CUX1: variants seen among roughly 807,000 people sequenced by gnomAD.
The protein encoded by CUX1 is cut like homeobox 1.
CUX1 carries 31 observed loss-of-function variants against 158.8 expected under a neutral mutation model. That is an observed-to-expected ratio of 0.20 (90% CI 0.15 to 0.26). The LOEUF is 0.26. CUX1 is among the 10% of genes least tolerant of loss of function. The pLI, the probability that CUX1 is intolerant of heterozygous loss-of-function variation, is 1.00. For synonymous variants in CUX1, 879 were observed against 862.1 expected (o/e 1.02, Z -0.34); for missense variants, 1,589 against 2,014.6 (o/e 0.79, Z 4.04).
At chr7:101,859,910 C>T (rs1426709463) in intron 1 of CUX1, among the ~76,000 whole-genome samples, 1 of 149,454 alleles carries the variant, frequency 6.7e-6, no homozygotes, top group Non-Finnish European at 1.5e-5. Flanking sequence ...TGGCTTATTT[C>T]CTTCTTTCCT....
rs1789748082 is a variant in CUX1, at chr7:102,255,081, CA to C, written c.*6040del. On this transcript the variant is annotated 3_prime_UTR_variant, in exon 24 of 24. Coordinates refer to ENST00000292535, the MANE Select transcript of CUX1 (RefSeq NM_181552.4). ...AGCCCCAGCCCTACTCCCGGCCCCC[CA>C]GCCCAGTCTTCCCAATCCCAGAGGC... 9 of 985,418 alleles carry C rather than the reference CA, an allele frequency of 9.1e-6. No homozygotes were observed. In the South Asian group the frequency reaches 4.2e-4, roughly 46 times the overall value. 61.0% of individuals were successfully genotyped at this position (985,418 alleles called of 1,614,324 possible).
chr7:101,976,096 G>A (rs1471196837), intron 2 of CUX1, among the ~76,000 whole-genome samples: 1 of 152,172 alleles, frequency 6.6e-6, no homozygotes, highest in Non-Finnish European at 1.5e-5. Context: ...TCACACCACT[G>A]CACTCCAACC....
At chr7:102,153,062 C>T (rs1835870853) in intron 8 of CUX1, among the ~76,000 whole-genome samples, 1 of 152,222 alleles carries the variant, frequency 6.6e-6, no homozygotes, top group Admixed American at 6.5e-5. Flanking sequence ...CTGCACCTTC[C>T]CGCGTCAGTG....
Position 101,817,762 on chromosome 7 carries a change from T to TCTGGGAGCACCGG in CUX1, c.30+95_30+96insGGGAGCACCGGCT. 1.3e-5 allele frequency: 19 copies of TCTGGGAGCACCGG among 1,476,112 alleles called. No homozygotes were observed. The highest frequency in any genetic ancestry group is 1.6e-5 in the Non-Finnish European group (18 of 1,096,714). 91.4% of individuals were successfully genotyped at this position (1,476,112 alleles called of 1,614,324 possible). On this transcript the variant is annotated intron_variant, in intron 1 of 23. Transcript: ENST00000292535. This position sits in a 1 kb window ranked among gnomAD's most constrained non-coding sequence, Gnocchi z 4.1. ...GCCCGGGTCCCGCGGCTTAGAATGC[T>TCTGGGAGCACCGG]CTAGGGCGGCCTGGTGCTCTGGGAG...
At chr7:102,262,678 G>A (rs1034675557), downstream of CUX1, among the ~76,000 whole-genome samples, 4 of 152,162 alleles carry the variant, frequency 2.6e-5, no homozygotes, top group Non-Finnish European at 4.4e-5. Flanking sequence ...GGACTGAGCC[G>A]TGGTAGATGC....
At chr7:102,265,629 G>A (rs1238782394) in intron 14 of CUX1, among the ~76,000 whole-genome samples, 1 of 151,820 alleles carries the variant, frequency 6.6e-6, no homozygotes, top group African/African-American at 2.4e-5. Flanking sequence ...GCGACAGTCT[G>A]GCTATGTTGC....
intron 21 of CUX1, among the ~76,000 whole-genome samples, chr7:102,232,010 G>C (rs1477512717): frequency 7.9e-5 from 12 of 151,112 alleles, no homozygotes; most frequent in Non-Finnish European, 1.6e-4. Context: ...ACCGCACCTG[G>C]CCAAAATTTT....
At chr7:101,864,127 C>T (rs1049942092) in intron 1 of CUX1, among the ~76,000 whole-genome samples, 2 of 151,564 alleles carry the variant, frequency 1.3e-5, no homozygotes, top group Admixed American at 6.6e-5. Context: ...GTTCCAATTT[C>T]TCCACAGCCT....
Position 102,257,344 on chromosome 7 carries a change from TTC to T in CUX1, c.*8311_*8312del. On this transcript the variant is annotated 3_prime_UTR_variant, in exon 24 of 24. Transcript: ENST00000292535. ...ATTTTTCTCTAATTAGTCTATGCAT[TTC>T]TCTCTCTCAAACCATCTTCTGCCTC... The T allele has an allele frequency of 2.0e-6, 2 of 984,932 alleles. No homozygotes were observed. Among genetic ancestry groups the T allele is most frequent in the Non-Finnish European group, 2.4e-6 (2 of 829,798 alleles). 61.0% of individuals were successfully genotyped at this position (984,932 alleles called of 1,614,324 possible).
rs146711550 is a variant in CUX1, at chr7:102,050,970, C to A, written c.190-19369C>A. On this transcript the variant is annotated intron_variant, in intron 3 of 23. Transcript: ENST00000292535. ...TTTCCTGGTCTGGTCTGTCTACCAC[C>A]AGTTGCCATCCTGTCCTGAGTGATC... is the stretch of plus-strand genomic sequence containing the variant. Among the ~76,000 whole-genome samples the A allele has an allele frequency of 9.5e-3, 1,439 of 152,218 alleles. 10 individuals carry two copies. The highest frequency in any genetic ancestry group is 0.031 in the Middle Eastern group (9 of 294).
chr7:102,198,931 G>A, intron 16 of CUX1, 64 bp downstream of exon 16: 2 of 1,433,764 alleles, frequency 1.4e-6, no homozygotes, highest in South Asian at 2.3e-5. Context: ...GTCCTTAGCT[G>A]TGTATTTGGG....
At chr7:102,176,477 C>T (rs1248757930) in intron 10 of CUX1, among the ~76,000 whole-genome samples, 1 of 152,096 alleles carries the variant, frequency 6.6e-6, no homozygotes, top group Non-Finnish European at 1.5e-5. Context: ...CTGCCCTCTC[C>T]ACCCCTGTCC....
intron 2 of CUX1, among the ~76,000 whole-genome samples, chr7:101,982,402 A>G (rs1475163763): frequency 6.6e-6 from 1 of 152,060 alleles, no homozygotes; most frequent in Non-Finnish European, 1.5e-5. Context: ...AAACAGGGAC[A>G]GTTTTTAAAT....
intron 20 of CUX1, among the ~76,000 whole-genome samples, chr7:102,220,479 C>T (rs782805676): frequency 6.6e-6 from 1 of 152,238 alleles, no homozygotes; most frequent in Non-Finnish European, 1.5e-5. Context: ...GGGTCAGTTC[C>T]GGAGCAGGTC....
chr7:101,999,759 A>G (rs1816444417), intron 2 of CUX1, among the ~76,000 whole-genome samples: 1 of 152,206 alleles, frequency 6.6e-6, no homozygotes, highest in African/African-American at 2.4e-5. Context: ...TTGGTTTAAG[A>G]TTATGGATGA....
At chr7:102,173,931 G>T (rs896643153) in intron 10 of CUX1, among the ~76,000 whole-genome samples, 1 of 152,068 alleles carries the variant, frequency 6.6e-6, no homozygotes, top group Admixed American at 6.6e-5. Flanking sequence ...CTGGGCCAGC[G>T]GAAAAATGGT....
chr7:101,855,607 C>A (rs867154050), intron 1 of CUX1, among the ~76,000 whole-genome samples: 2 of 152,136 alleles, frequency 1.3e-5, no homozygotes, highest in African/African-American at 4.8e-5. Flanking sequence ...AGGCCGGGCG[C>A]GGTGGCTCAT....
chr7:101,925,929 C>T (rs1471478034), intron 2 of CUX1, among the ~76,000 whole-genome samples: 2 of 149,058 alleles, frequency 1.3e-5, no homozygotes, highest in African/African-American at 2.6e-5. Flanking sequence ...GAGTTATAAC[C>T]CCCGTCTCAA....
At chr7:102,055,268 TG>T (rs1175552973) in intron 3 of CUX1, among the ~76,000 whole-genome samples, 3 of 152,108 alleles carry the variant, frequency 2.0e-5, no homozygotes, top group South Asian at 2.1e-4. Context: ...GAAAGACAAA[TG>T]TTTTTTTACA....
Sources: allele counts gnomAD v4.1 joint callset (sites outside exome capture counted in the v4.1 genomes callset), GRCh38; gene constraint gnomAD v4.1.1; non-coding constraint Gnocchi (gnomAD v3.1); transcripts MANE v1.5; gene names NCBI Gene and HGNC (gene_info 2026-07-23, HGNC 2026-07-21).